GALNT9: variants seen among roughly 807,000 people sequenced by gnomAD.
GALNT9 encodes polypeptide N-acetylgalactosaminyltransferase 9.
A neutral mutation model predicts 63.1 loss-of-function variants in GALNT9; 47 were observed. That is an observed-to-expected ratio of 0.75 (90% confidence interval 0.59 to 0.95). The LOEUF is 0.95. Ranked by LOEUF, GALNT9 falls within the 40% of genes least tolerant of loss-of-function variation. GALNT9 has a pLI of 0.00. For missense variants in GALNT9, 829 were observed against 874.8 expected (o/e 0.95, Z 0.66); for synonymous variants, 396 against 365.7 (o/e 1.08, Z -0.94).
chr12:132,243,545 C>T (rs1382033740), intron 6 of GALNT9, among the ~76,000 whole-genome samples: 2 of 152,158 alleles, frequency 1.3e-5, no homozygotes, highest in Non-Finnish European at 2.9e-5. Flanking sequence ...TTGGTCCTTC[C>T]CTCCAGACAC....
At chr12:132,250,715 T>TTC (rs2135536632) in intron 5 of GALNT9, among the ~76,000 whole-genome samples, 1 of 152,286 alleles carries the variant, frequency 6.6e-6, no homozygotes, top group Admixed American at 6.5e-5. Flanking sequence ...CACTTGAACC[T>TTC]GGGAGGCGGA....
chr12:132,302,109 T>C (rs888644471), intron 1 of GALNT9, among the ~76,000 whole-genome samples: 4 of 152,192 alleles, frequency 2.6e-5, no homozygotes, highest in African/African-American at 7.2e-5. Flanking sequence ...TGCCAAGTCA[T>C]TTTCCAGAAG....
At chr12:132,306,534 G>A (rs1041411205) in intron 1 of GALNT9, among the ~76,000 whole-genome samples, 20 of 152,324 alleles carry the variant, frequency 1.3e-4, no homozygotes, top group African/African-American at 3.6e-4. Flanking sequence ...AAGTCAGTTC[G>A]GACATAGTGG....
Position 132,257,890 on chromosome 12 carries a change from C to T in GALNT9, c.762-4G>A, listed in dbSNP as rs554897340. On this transcript the variant is annotated splice_polypyrimidine_tract_variant and splice_region_variant and intron_variant, in intron 4 of 10. Transcript: ENST00000328957. ...CCGCGACAGTGCGGGCTCGGCCCTGCGGAGGCACAGCTGTGAGGAGGGGCG... is the reference window on the plus strand; with the variant it reads ...CCGCGACAGTGCGGGCTCGGCCCTGTGGAGGCACAGCTGTGAGGAGGGGCG... 4.1e-5 allele frequency: 62 copies of T among 1,524,424 alleles called. No homozygotes were observed. Among genetic ancestry groups the T allele is most frequent in the African/African-American group, 6.9e-5 (5 of 72,802 alleles). The allele number at this position is 1,524,424 out of a possible 1,614,324, so 94.4% of individuals were successfully genotyped here. A position where few individuals can be genotyped will look rare whatever the true frequency, so the allele number is the denominator to read the frequency against.
At chr12:132,287,189 C>T (rs1362059603) in intron 1 of GALNT9, among the ~76,000 whole-genome samples, 1 of 152,006 alleles carries the variant, frequency 6.6e-6, no homozygotes, top group Non-Finnish European at 1.5e-5. Context: ...CAGTGAGTTT[C>T]CTGCATCGGG....
intron 1 of GALNT9, among the ~76,000 whole-genome samples, chr12:132,322,450 C>T (rs554018083): frequency 7.2e-5 from 11 of 152,376 alleles, no homozygotes; most frequent in African/African-American, 2.2e-4. Flanking sequence ...GCCCTCAGCT[C>T]ATAGGGGCTG....
At chr12:132,203,171 G>T (rs573466460) in intron 7 of GALNT9, among the ~76,000 whole-genome samples, 1 of 152,186 alleles carries the variant, frequency 6.6e-6, no homozygotes, top group Non-Finnish European at 1.5e-5. Context: ...ACTAAGTGGG[G>T]CCCTGGCTGA....
chr12:132,248,295 G>A (rs1878791304), intron 5 of GALNT9, among the ~76,000 whole-genome samples: 1 of 152,220 alleles, frequency 6.6e-6, no homozygotes, highest in Non-Finnish European at 1.5e-5. Context: ...ATTCAATTCA[G>A]CTTAGTGTAG....
At chr12:132,258,231 G>A (rs782778693) in intron 4 of GALNT9, among the ~76,000 whole-genome samples, 46 of 152,240 alleles carry the variant, frequency 3.0e-4, no homozygotes, top group Middle Eastern at 3.4e-3. Context: ...TCCCCAGCTC[G>A]GTCTCCCTCT....
chr12:132,320,716 C>T (rs782246645), intron 1 of GALNT9, among the ~76,000 whole-genome samples: 4 of 56,018 alleles, frequency 7.1e-5, no homozygotes, highest in Non-Finnish European at 1.4e-4. Flanking sequence ...CCTGGGCCAG[C>T]TCAAGGCCTC....
At chr12:132,257,607 G>A (rs1879185504) in intron 5 of GALNT9, 82 bp downstream of exon 5, 3 of 1,028,258 alleles carry the variant, frequency 2.9e-6, no homozygotes, top group Non-Finnish European at 4.2e-6. Context: ...CCTCATCCCT[G>A]GCCCTCGTCC....
intron 1 of GALNT9, among the ~76,000 whole-genome samples, chr12:132,326,936 C>T (rs538576985): frequency 3.3e-5 from 5 of 152,340 alleles, no homozygotes; most frequent in South Asian, 2.1e-4. Flanking sequence ...AGGGCCCCAC[C>T]GGGGGTGAGA....
intron 2 of GALNT9, among the ~76,000 whole-genome samples, 163 bp from the exon 3 acceptor site, chr12:132,262,788 G>A (rs984122280): frequency 1.3e-5 from 2 of 149,560 alleles, no homozygotes; most frequent in Admixed American, 6.7e-5. Context: ...ACCTGCAGGA[G>A]ACACGGTTTG....
intron 2 of GALNT9, chr12:132,281,017 C>T (rs1460277628): frequency 3.3e-5 from 5 of 152,264 alleles, no homozygotes; most frequent in African/African-American, 4.9e-5. Flanking sequence ...CAGCCAGGCC[C>T]CTGCAGCCAG....
At position 132,201,124 on chromosome 12, in the gene GALNT9, C is replaced by T. The variant is rs1245533717; in HGVS notation, c.1401G>A (p.Glu467=). The part of the protein sequence containing the change: ...RVYNNTLTYG[E]VRNSKASAYC... ...ACGGGGCCCTCGGGGGAGGTGCTAC[C>T]TCTCCGTACGTGAGGGTGTTGTTGT... Residue 467 remains glutamate (E), a splice_region_variant and synonymous_variant, in exon 8 of 11, where the codon GAG becomes GAA. Coordinates refer to ENST00000328957, the MANE Select transcript of GALNT9 (RefSeq NM_001122636.2). The T allele has an allele frequency of 8.1e-6, 13 of 1,612,638 alleles. No homozygotes were observed. The highest frequency in any genetic ancestry group is 1.7e-5 in the Admixed American group (1 of 59,872).
Position 132,203,529 on chromosome 12 carries a change from G to C in GALNT9, c.1239C>G (p.Tyr413Ter), listed in dbSNP as rs765407960. The change falls in exon 7 of 11, where the codon TAC (tyrosine) becomes TAG (stop). Residue 413 changes from tyrosine to a stop codon, truncating the protein, a stop_gained. Transcript: ENST00000328957. LOFTEE classifies it high-confidence loss of function. ...VWMDDFKSHV[Y>*]MAWNIPMSNP... ...CCGACATGGGGATGTTCCAGGCCAT[G>C]TACACGTGGGACTTGAAGTCATCCA... 3 of 1,613,790 alleles carry C rather than the reference G, an allele frequency of 1.9e-6. No individual in the cohort carries two copies. The Admixed American group carries it at 5.0e-5, about 27-fold the overall frequency.
chr12:132,249,805 C>T (rs986408150), intron 5 of GALNT9, among the ~76,000 whole-genome samples: 10 of 152,186 alleles, frequency 6.6e-5, no homozygotes, highest in Non-Finnish European at 1.5e-5. Flanking sequence ...GCTGTGATTA[C>T]AGAAAAAGGT....
intron 7 of GALNT9, among the ~76,000 whole-genome samples, chr12:132,202,383 G>A (rs138172498): frequency 4.8e-4 from 73 of 152,304 alleles, no homozygotes; most frequent in African/African-American, 1.7e-3. Flanking sequence ...TACGGCTCCT[G>A]ATCTGCCTGG....
Position 132,201,190 on chromosome 12 carries a change from G to A in GALNT9, c.1335C>T (p.Phe445=). The A allele has an allele frequency of 1.2e-6, 2 of 1,613,352 alleles. No homozygotes were observed. The highest frequency in any genetic ancestry group is 1.7e-6 in the Non-Finnish European group (2 of 1,179,532). ...GGTACACGTTCTCCAGGTACCACTT[G>A]AAGCTGCGACACTTCAGCCTCTGAC... is the stretch of plus-strand genomic sequence containing the variant. ...ALRQRLKCRS[F]KWYLENVYPE... is the part of the protein sequence containing the mutation. Residue 445 remains phenylalanine, a synonymous_variant, in exon 8 of 11, where the codon TTC becomes TTT. Coordinates refer to ENST00000328957, the MANE Select transcript of GALNT9 (RefSeq NM_001122636.2).
Sources: gnomAD v4.1 joint callset for allele counts (sites outside exome capture counted in the v4.1 genomes callset) on GRCh38, gnomAD v4.1.1 for gene constraint, MANE v1.5 for transcripts, NCBI Gene and HGNC (gene_info 2026-07-23, HGNC 2026-07-21) for gene names.